Variants in POLA1 observed in about 807,000 individuals in gnomAD.
POLA1 encodes the protein DNA polymerase alpha 1, catalytic subunit.
Under a neutral mutation model 124.0 loss-of-function variants are expected in POLA1, and 15 were observed. The ratio of observed to expected loss-of-function variants is 0.12; its 90% CI spans 0.08 to 0.19. POLA1 has a LOEUF of 0.19. POLA1 is among the 10% of genes least tolerant of loss of function. The pLI is 1.00. For missense variants in POLA1, 886 were observed against 1,103.4 expected (o/e 0.80, Z 2.79); for synonymous variants, 408 against 389.4 (o/e 1.05, Z -0.56).
At chrX:24,824,005 A>G (rs1287131220) in intron 31 of POLA1, among the ~76,000 whole-genome samples, 1 of 112,285 alleles carries the variant, frequency 8.9e-6, no homozygotes, top group African/African-American at 3.2e-5. Flanking sequence ...CATAATTTCC[A>G]TAAGGCATGC....
chrX:24,758,050 T>C (rs1932704474), intron 26 of POLA1, among the ~76,000 whole-genome samples: 1 of 111,409 alleles, frequency 9.0e-6, no homozygotes, highest in Admixed American at 9.5e-5. Context: ...TGTTGGTACT[T>C]TCAAATAAAG....
chrX:24,694,590 A>G (rs1927845817), intron 1 of POLA1, among the ~76,000 whole-genome samples: 1 of 112,393 alleles, frequency 8.9e-6, no homozygotes, highest in Non-Finnish European at 1.9e-5. Context: ...CAATCTAGTC[A>G]TTCCTGGTGA....
chrX:24,827,774 G>A (rs892182998), intron 32 of POLA1, among the ~76,000 whole-genome samples: 2 of 111,941 alleles, frequency 1.8e-5, no homozygotes, highest in African/African-American at 6.5e-5. Flanking sequence ...TCAGCACAAG[G>A]TCTCGGGCAA....
rs1015373965 is a variant in POLA1 at position 24,996,185 on chromosome X, A to G, written c.*235A>G. On this transcript the variant is annotated 3_prime_UTR_variant, in exon 37 of 37. Transcript: ENST00000379068. ...ATGTACTGCTTTAAAACACAACTCC[A>G]GAGCCCCTCCCCAAGCTCCCCTCCC... is the stretch of plus-strand genomic sequence containing the variant. 4.9e-5 allele frequency: 14 copies of G among 288,390 alleles called. No homozygotes were observed. The highest frequency in any genetic ancestry group is 2.5e-4 in the Admixed American group (4 of 16,306). 23.8% of individuals were successfully genotyped at this position (288,390 alleles called of 1,213,427 possible).
At chrX:24,737,487 C>A in intron 18 of POLA1, 138 bp from the exon 19 acceptor site, 1 of 428,858 alleles carries the variant, frequency 2.3e-6, no homozygotes, top group South Asian at 4.1e-5. Context: ...AGAAAGGACC[C>A]CCAATCGGAG....
In POLA1 at chrX:24,716,419, G is replaced by C; in HGVS notation, c.583G>C (p.Ala195Pro). The stretch of plus-strand genomic sequence containing the variant: ...ACTGAAGAAGAAAAGATCCATTGGA[G>C]CTTCACCGAATCCTTTCTCTGTGCA... ...MILKKKRSIGASPNPFSVHTA... is the reference protein window; with the variant it reads ...MILKKKRSIGPSPNPFSVHTA... Residue 195 changes from alanine (A) to proline (P), a missense_variant, in exon 7 of 37, where the codon GCT becomes CCT. Physicochemically the swap from Ala to Pro is conservative, Grantham distance 27. This residue lies in a region of POLA1 where 337 missense variants were observed against 402.8 expected (regional missense o/e 0.84). Coordinates refer to ENST00000379068, the MANE Select transcript of POLA1 (RefSeq NM_001330360.2). 8.5e-7 allele frequency: 1 copy of C among 1,179,086 alleles called. No homozygotes were observed.
intron 19 of POLA1, among the ~76,000 whole-genome samples, chrX:24,738,070 G>A (rs1372154513): frequency 1.9e-5 from 2 of 103,985 alleles, no homozygotes; most frequent in Non-Finnish European, 1.9e-5. Context: ...AAAATTAGCC[G>A]GGCGCGGTGG....
chrX:24,802,815 T>C (rs779797579), intron 26 of POLA1, among the ~76,000 whole-genome samples: 2 of 111,206 alleles, frequency 1.8e-5, no homozygotes, highest in South Asian at 7.7e-4. Flanking sequence ...CTGGCCAACA[T>C]GGTGAAACCC....
intron 33 of POLA1, among the ~76,000 whole-genome samples, chrX:24,842,533 A>T (rs2046423106): frequency 8.9e-6 from 1 of 112,511 alleles, no homozygotes; most frequent in African/African-American, 3.2e-5. Flanking sequence ...AAAAGTAATT[A>T]TTTTAAGTTA....
At chrX:24,744,666 T>C in intron 23 of POLA1, 1 of 316,190 alleles carries the variant, frequency 3.2e-6, no homozygotes, top group South Asian at 3.0e-5. Flanking sequence ...AAGAATAAAT[T>C]ACTCTACCAG....
chrX:24,893,317 T>A (rs2047166272), intron 35 of POLA1, among the ~76,000 whole-genome samples: 1 of 112,296 alleles, frequency 8.9e-6, no homozygotes, highest in South Asian at 3.7e-4. Flanking sequence ...ACATGCATAT[T>A]TGATGCAAAG....
At chrX:24,904,582 A>G (rs2047333261) in intron 35 of POLA1, among the ~76,000 whole-genome samples, 1 of 111,219 alleles carries the variant, frequency 9.0e-6, no homozygotes, top group Non-Finnish European at 1.9e-5. Context: ...CATTGGTCCT[A>G]AATGGAGTAC....
chrX:24,922,965 A>G (rs2047637667), intron 35 of POLA1, among the ~76,000 whole-genome samples: 1 of 112,122 alleles, frequency 8.9e-6, no homozygotes, highest in Non-Finnish European at 1.9e-5. Context: ...AGAGAGGGCA[A>G]ATTCAATCTT....
chrX:24,824,651 C>T lies in POLA1; in HGVS notation c.3562-1776C>T, dbSNP rs995673485. Among the ~76,000 whole-genome samples the T allele has an allele frequency of 7.3e-5, 8 of 109,991 alleles. No individual in the cohort carries two copies. In the East Asian group the frequency reaches 8.5e-4, roughly 12 times the overall value. On this transcript the variant is annotated intron_variant, in intron 31 of 36. Coordinates refer to ENST00000379068, the MANE Select transcript of POLA1 (RefSeq NM_001330360.2). The stretch of plus-strand genomic sequence containing the variant: ...TCATAGCCTAAATGTTTTTCCAATA[C>T]GACATAGCAAAACCTGTCATCTAAC...
chrX:24,914,097 C>T (rs970966085), intron 35 of POLA1, among the ~76,000 whole-genome samples: 30 of 110,155 alleles, frequency 2.7e-4, no homozygotes, highest in African/African-American at 9.6e-4. Flanking sequence ...TAGCATGTGC[C>T]TTTAATCTCA....
intron 35 of POLA1, among the ~76,000 whole-genome samples, chrX:24,920,670 C>G (rs2047604037): frequency 8.9e-6 from 1 of 112,125 alleles, no homozygotes. Context: ...CCAGTAACCT[C>G]TTTGAGTCTC....
At chrX:24,801,288 A>G (rs2045700605) in intron 26 of POLA1, among the ~76,000 whole-genome samples, 1 of 112,314 alleles carries the variant, frequency 8.9e-6, no homozygotes. Flanking sequence ...TGCTTTTTGT[A>G]ACCAACTTTA....
rs1469505737 is a variant in POLA1 at position 24,741,897 on chromosome X, G to A, written c.2347-105G>A. Reference sequence around the variant, plus strand: ...TTAAAAAAAAAGCAGACCGTTATTAGGAATAGTTTTGAAGGAGGTGCTGTG... The same window carrying A: ...TTAAAAAAAAAGCAGACCGTTATTAAGAATAGTTTTGAAGGAGGTGCTGTG... On this transcript the variant is annotated intron_variant, in intron 21 of 36. Coordinates refer to ENST00000379068, the MANE Select transcript of POLA1 (RefSeq NM_001330360.2). 3 of 567,679 alleles carry A rather than the reference G, an allele frequency of 5.3e-6. No homozygotes were observed. The Admixed American group carries it at 1.1e-4, about 21-fold the overall frequency. 46.8% of individuals were successfully genotyped at this position (567,679 alleles called of 1,213,427 possible).
chrX:24,703,128 T>G (rs1928569114), intron 2 of POLA1, 123 bp from the exon 3 acceptor site: 4 of 465,853 alleles, frequency 8.6e-6, no homozygotes, highest in Admixed American at 7.5e-5. Context: ...AACTCATGAT[T>G]TGGTTGCAGC....
Sources: gnomAD v4.1 joint callset for allele counts (sites outside exome capture counted in the v4.1 genomes callset) on GRCh38, gnomAD v4.1.1 for gene constraint, gnomAD v4.1.1 regional missense constraint, MANE v1.5 for transcripts, NCBI Gene and HGNC (gene_info 2026-07-23, HGNC 2026-07-21) for gene names.